The following FRY variants were observed in gnomAD, a reference collection of about 807,000 sequenced individuals.
The protein encoded by FRY is FRY microtubule binding protein.
In FRY, 128 loss-of-function variants were observed where a neutral mutation model predicts 348.4. The ratio of observed to expected loss-of-function variants is 0.37; its 90% CI spans 0.32 to 0.43. The LOEUF is 0.43. FRY is among the 20% of genes least tolerant of loss of function. The probability of loss-of-function intolerance (pLI) is 1.00; values close to 1 mark genes in which losing one functional copy is unlikely to be tolerated. For missense variants in FRY, 2,736 were observed against 3,695.2 expected, an observed-to-expected ratio of 0.74 and a Z score of 6.73; for synonymous variants, 1,370 against 1,374.7, an observed-to-expected ratio of 1.00 and a Z score of 0.08.
intron 1 of FRY, among the ~76,000 whole-genome samples, chr13:32,068,461 G>A (rs894705986): frequency 1.3e-5 from 2 of 152,168 alleles, no homozygotes; most frequent in African/African-American, 2.4e-5. Flanking sequence ...ACGGATCTTG[G>A]CAGACATTCT....
At chr13:32,163,181 T>C (rs1220229009) in intron 17 of FRY, among the ~76,000 whole-genome samples, 2 of 152,314 alleles carry the variant, frequency 1.3e-5, no homozygotes, top group East Asian at 3.9e-4. Context: ...GAGGGTGGCA[T>C]GACCAGGAGA....
chr13:32,087,202 T>C (rs1423202616), intron 2 of FRY, among the ~76,000 whole-genome samples: 2 of 152,260 alleles, frequency 1.3e-5, no homozygotes, highest in African/African-American at 4.8e-5. Context: ...AAATATGTCA[T>C]GCTTAAGAAC....
chr13:32,271,434 T>A (rs193216345), intron 55 of FRY, among the ~76,000 whole-genome samples: 1 of 152,308 alleles, frequency 6.6e-6, no homozygotes, highest in Admixed American at 6.5e-5. Context: ...ACAGGCTGGC[T>A]GCTCCCATTT....
At position 32,250,259 on chromosome 13, in the gene FRY, T is replaced by A. The variant is rs146428502; in HGVS notation, c.7170+572T>A. ...TTCCTGTCAAGTAAAACTTCTGCATTATTCAGGGGTCTTCTGTTGACTTGT... is the reference window on the plus strand; with the variant it reads ...TTCCTGTCAAGTAAAACTTCTGCATAATTCAGGGGTCTTCTGTTGACTTGT... On this transcript the variant is annotated intron_variant, in intron 49 of 60. Coordinates refer to ENST00000542859, the MANE Select transcript of FRY (RefSeq NM_023037.3). Among the ~76,000 whole-genome samples the A allele has an allele frequency of 3.7e-3, 567 of 152,360 alleles. 1 individual carries two copies. Among genetic ancestry groups the A allele is most frequent in the Middle Eastern group, 0.027 (8 of 294 alleles).
chr13:32,244,304 G>A (rs1347497124), intron 47 of FRY, 122 bp downstream of exon 47: 14 of 887,090 alleles, frequency 1.6e-5, no homozygotes, highest in South Asian at 9.4e-5. Context: ...GACATCCATG[G>A]CACAGCCAGG....
chr13:32,227,839 C>A (rs1885668785), intron 39 of FRY, among the ~76,000 whole-genome samples: 1 of 151,610 alleles, frequency 6.6e-6, no homozygotes, highest in African/African-American at 2.4e-5. Context: ...GCAAACTCCA[C>A]CCACCGGGTT....
At chr13:32,127,927 T>C (rs915334896) in intron 7 of FRY, among the ~76,000 whole-genome samples, 2 of 152,252 alleles carry the variant, frequency 1.3e-5, no homozygotes, top group African/African-American at 4.8e-5. Context: ...GGATTCAAAC[T>C]GGAAAACAAA....
Position 32,239,406 on chromosome 13 carries a change from G to C in FRY, c.6516+57G>C, listed in dbSNP as rs1886387383. On this transcript the variant is annotated intron_variant, in intron 45 of 60. Coordinates refer to ENST00000542859, the MANE Select transcript of FRY (RefSeq NM_023037.3). This position sits in a 1 kb window ranked among gnomAD's most constrained non-coding sequence, Gnocchi z 4.3. ...CCATAGAGGCCTTCAGGACGCCCTAGTGTCAGGCAAATTACAAGGCCCAGA... is the reference window on the plus strand; with the variant it reads ...CCATAGAGGCCTTCAGGACGCCCTACTGTCAGGCAAATTACAAGGCCCAGA... 2.9e-6 allele frequency: 3 copies of C among 1,021,794 alleles called. No homozygotes were observed. In the East Asian group the frequency reaches 7.1e-5, roughly 24 times the overall value. 63.3% of individuals were successfully genotyped at this position (1,021,794 alleles called of 1,614,324 possible). A position where few individuals can be genotyped will look rare whatever the true frequency, so the allele number is the denominator to read the frequency against.
At chr13:32,246,064 C>T (rs1886778055) in intron 47 of FRY, among the ~76,000 whole-genome samples, 1 of 152,360 alleles carries the variant, frequency 6.6e-6, no homozygotes, top group Admixed American at 6.5e-5. Flanking sequence ...ACTTCACTCA[C>T]AGGAGACAGG....
chr13:32,268,522 A>C (rs1482645775), intron 55 of FRY, among the ~76,000 whole-genome samples: 2 of 39,886 alleles, frequency 5.0e-5, no homozygotes, highest in Non-Finnish European at 1.8e-4. Flanking sequence ...ATATATATAT[A>C]TATATATATA....
At chr13:32,037,710 A>T (rs1372482329) in intron 1 of FRY, among the ~76,000 whole-genome samples, 3 of 152,252 alleles carry the variant, frequency 2.0e-5, no homozygotes, top group Non-Finnish European at 4.4e-5. Flanking sequence ...CTGATATAAC[A>T]TGCAAAGATT....
At position 32,135,065 on chromosome 13, in the gene FRY, C is replaced by G. The variant is rs1391266454; in HGVS notation, c.979-20C>G. 5 of 1,550,854 alleles carry G rather than the reference C, an allele frequency of 3.2e-6. No homozygotes were observed. The South Asian group carries it at 5.6e-5, about 17-fold the overall frequency. On this transcript the variant is annotated intron_variant, in intron 9 of 60. Transcript: ENST00000542859. ...TCAACAATTTTATTAATATAATATT[C>G]ACATGCATCTCTATTTCAGGCTGTT...
chr13:32,078,966 A>G lies in FRY; in HGVS notation c.203A>G (p.Lys68Arg), dbSNP rs768798713. 21 of 1,613,904 alleles carry G rather than the reference A, an allele frequency of 1.3e-5. No homozygotes were observed. The Admixed American group carries it at 3.2e-4, about 24-fold the overall frequency. The change falls in exon 2 of 61, where the codon AAA becomes AGA. Residue 68 changes from lysine to arginine, a missense_variant. Coordinates refer to ENST00000542859, the MANE Select transcript of FRY (RefSeq NM_023037.3). ...AGTAAACCAGGAGAATATGTCCTCA[A>G]AAGTTTATTTGTCAACTTCACCACT... ...PDSKPGEYVL[K>R]SLFVNFTTQA...
chr13:32,235,591 C>A (rs1886183903), intron 42 of FRY, among the ~76,000 whole-genome samples: 1 of 152,206 alleles, frequency 6.6e-6, no homozygotes. Context: ...CCATTGTACT[C>A]AAGCCTGGGC....
chr13:32,116,298 T>C (rs1878298924), intron 3 of FRY, among the ~76,000 whole-genome samples: 1 of 152,188 alleles, frequency 6.6e-6, no homozygotes, highest in African/African-American at 2.4e-5. Context: ...GCGTTATAAT[T>C]TGCTTATACA....
intron 1 of FRY, among the ~76,000 whole-genome samples, chr13:32,058,319 T>A (rs1344364265): frequency 1.3e-5 from 2 of 152,246 alleles, no homozygotes; most frequent in Admixed American, 6.5e-5. Context: ...AGTATTTTAC[T>A]GTCTCTGTAT....
intron 31 of FRY, among the ~76,000 whole-genome samples, chr13:32,205,910 G>T (rs370762957): frequency 6.6e-6 from 1 of 151,736 alleles, no homozygotes; most frequent in Non-Finnish European, 1.5e-5. Flanking sequence ...TGAGACTGGA[G>T]GGGAGAAACC....
chr13:32,294,446 C>G lies in FRY; in HGVS notation c.8659C>G (p.Leu2887Val). The G allele has an allele frequency of 6.2e-7, 1 of 1,614,108 alleles. No individual in the cohort carries two copies. Among genetic ancestry groups the G allele is most frequent in the Non-Finnish European group, 8.5e-7 (1 of 1,179,934 alleles). ...CAGTGCAGTCATTGCAGCTGACCCT[C>G]TCTATTCAGACGGCGCGTGGTCCGA... ...EASAVIAADP[L>V]YSDGAWSEPT... The change falls in exon 60 of 61, where the codon CTC (leucine) becomes GTC (valine). Residue 2887 changes from leucine (L) to valine (V), a missense_variant. Around this residue, in one of 9 missense-constraint regions of FRY, gnomAD observed 157 missense variants for 215.2 expected, o/e 0.73. Coordinates refer to ENST00000542859, the MANE Select transcript of FRY (RefSeq NM_023037.3).
At position 32,218,833 on chromosome 13, in the gene FRY, T is replaced by TA; in HGVS notation, c.4765+4dup. The TA allele has an allele frequency of 6.4e-7, 1 of 1,560,724 alleles. No homozygotes were observed. On this transcript the variant is annotated splice_region_variant and intron_variant, in intron 36 of 60. Coordinates refer to ENST00000542859, the MANE Select transcript of FRY (RefSeq NM_023037.3). ...GAGGATCCTACGATGAAGATAAAAG[T>TA]AAGTACCAACAGGCTGTGGGCTTTC...
Sources: allele counts gnomAD v4.1 joint callset (sites outside exome capture counted in the v4.1 genomes callset), GRCh38; gene constraint gnomAD v4.1.1; regional missense constraint gnomAD v4.1.1; non-coding constraint Gnocchi (gnomAD v3.1); transcripts MANE v1.5; gene names NCBI Gene and HGNC (gene_info 2026-07-23, HGNC 2026-07-21).